The following ZNF514 variants were observed in gnomAD, a reference collection of about 807,000 sequenced individuals.
ZNF514 encodes zinc finger protein 514.
A neutral mutation model predicts 9.7 loss-of-function variants in ZNF514; 12 were observed. That is an observed-to-expected ratio of 1.24 (90% CI 0.79 to 2.01). The LOEUF (loss-of-function observed/expected upper bound fraction) is 2.01. Among genes scored for constraint, ZNF514 ranks in the 30% most tolerant of loss-of-function variants. ZNF514 has a pLI of 0.00. For synonymous variants in ZNF514, 158 were observed against 163.7 expected (o/e 0.97, Z 0.27); for missense variants, 467 against 465.5 (o/e 1.00, Z -0.03).
the ZNF514 span, among the ~76,000 whole-genome samples, chr2:95,124,106 T>C: frequency 6.6e-6 from 1 of 152,208 alleles, no homozygotes; most frequent in East Asian, 1.9e-4. Context: ...GTGTCACATG[T>C]AGATTTCTGT....
intron 3 of ZNF514, 122 bp downstream of exon 3, chr2:95,153,011 T>A: frequency 7.6e-7 from 1 of 1,322,064 alleles, no homozygotes. Flanking sequence ...AAATGTCTGA[T>A]TCCAGACTTC....
the ZNF514 span, among the ~76,000 whole-genome samples, chr2:95,130,536 C>A: frequency 1.3e-5 from 2 of 152,020 alleles, no homozygotes; most frequent in Non-Finnish European, 2.9e-5. Flanking sequence ...AGGTATGCCC[C>A]GGGGGGGCCG....
Position 95,147,066 on chromosome 2 carries a change from A to C in ZNF514, c.*2216T>G, listed in dbSNP as rs1673378797. On this transcript the variant is annotated 3_prime_UTR_variant, in exon 5 of 5. Transcript: ENST00000295208. Reference sequence around the variant, plus strand: ...TCCTCATCTGGACTTTAAATGCTTAAAGTATTTTCCTCAGTATAAGCTAAT... The same window carrying C: ...TCCTCATCTGGACTTTAAATGCTTACAGTATTTTCCTCAGTATAAGCTAAT... Among the ~76,000 whole-genome samples, 1 of 152,130 alleles carries C rather than the reference A, an allele frequency of 6.6e-6. No homozygotes were observed. Among genetic ancestry groups the C allele is most frequent in the African/African-American group, 2.4e-5 (1 of 41,424 alleles).
At chr2:95,150,335 C>A (rs2104466788) in intron 4 of ZNF514, 68 bp from the exon 5 acceptor site, 1 of 1,450,682 alleles carries the variant, frequency 6.9e-7, no homozygotes, top group Non-Finnish European at 9.1e-7. Context: ...GCAAGAAAAG[C>A]AAGCTCCTAT....
the ZNF514 span, among the ~76,000 whole-genome samples, chr2:95,123,462 T>C: frequency 1.3e-5 from 2 of 152,242 alleles, no homozygotes; most frequent in Admixed American, 1.3e-4. Context: ...AGGATTTCCC[T>C]TCACCGCCGT....
At chr2:95,153,362 T>C (rs1673597188) in intron 2 of ZNF514, 103 bp from the exon 3 acceptor site, 2 of 1,211,632 alleles carry the variant, frequency 1.7e-6, no homozygotes, top group Non-Finnish European at 2.2e-6. Flanking sequence ...TACAGAGACA[T>C]TCTTCTCAGG....
the ZNF514 span, among the ~76,000 whole-genome samples, chr2:95,124,214 C>G: frequency 1.3e-5 from 2 of 152,196 alleles, no homozygotes; most frequent in African/African-American, 4.8e-5. Context: ...ATCCTCTCCT[C>G]CACCATCTTT....
chr2:95,149,698 T>C lies in ZNF514; in HGVS notation c.787A>G (p.Ser263Gly), dbSNP rs866001744. The C allele has an allele frequency of 1.2e-6, 2 of 1,614,150 alleles. No homozygotes were observed. The highest frequency in any genetic ancestry group is 1.7e-6 in the Non-Finnish European group (2 of 1,180,022). Residue 263 changes from serine to glycine, a missense_variant, in exon 5 of 5, where the codon AGT becomes GGT. Coordinates refer to ENST00000295208, the MANE Select transcript of ZNF514 (RefSeq NM_032788.3). Reference protein sequence around the residue: ...THTGEKPYECSECGRAFSQSS... With the variant: ...THTGEKPYECGECGRAFSQSS... ...TGGCTGAAGGCTCTCCCACATTCACTGCATTCATAGGGCTTTTCTCCAGTA... is the reference window on the plus strand; with the variant it reads ...TGGCTGAAGGCTCTCCCACATTCACCGCATTCATAGGGCTTTTCTCCAGTA...
chr2:95,155,233 A>T (rs1259515724), intron 2 of ZNF514: 1 of 152,252 alleles, frequency 6.6e-6, no homozygotes, highest in African/African-American at 2.4e-5. Context: ...AGGAGGTATC[A>T]AAACGAAGGA....
intron 4 of ZNF514, 53 bp downstream of exon 4, chr2:95,152,621 C>G: frequency 6.7e-7 from 1 of 1,499,180 alleles, no homozygotes; most frequent in Non-Finnish European, 9.3e-7. Flanking sequence ...TCTGGGCTAC[C>G]TCCCACCCCA....
the ZNF514 span, among the ~76,000 whole-genome samples, chr2:95,138,966 A>G: frequency 6.6e-6 from 1 of 152,206 alleles, no homozygotes; most frequent in Non-Finnish European, 1.5e-5. Flanking sequence ...AGTGCTGCCT[A>G]TATCTGCTGC....
chr2:95,157,206 A>T (rs1192212541), intron 2 of ZNF514, 145 bp downstream of exon 2: 22 of 418,576 alleles, frequency 5.3e-5, no homozygotes, highest in African/African-American at 1.0e-4. Flanking sequence ...TCAGGGAGCC[A>T]TCATTCACTT....
intron 1 of ZNF514, among the ~76,000 whole-genome samples, 189 bp from the exon 2 acceptor site, chr2:95,157,628 G>A (rs1374473917): frequency 6.6e-6 from 1 of 152,176 alleles, no homozygotes; most frequent in African/African-American, 2.4e-5. Flanking sequence ...CCTGTACACA[G>A]CTGCATGAGG....
the ZNF514 span, among the ~76,000 whole-genome samples, chr2:95,124,430 G>A: frequency 6.6e-6 from 1 of 151,982 alleles, no homozygotes; most frequent in Admixed American, 6.6e-5. Context: ...ACTAACATTT[G>A]TTTAACCATT....
the ZNF514 span, among the ~76,000 whole-genome samples, chr2:95,132,411 C>G: frequency 1.3e-5 from 2 of 152,002 alleles, no homozygotes; most frequent in African/African-American, 4.8e-5. Flanking sequence ...CAAATCAAAC[C>G]CACAATGATA....
chr2:95,135,875 TC>T, the ZNF514 span, among the ~76,000 whole-genome samples: 1 of 151,816 alleles, frequency 6.6e-6, no homozygotes, highest in African/African-American at 2.4e-5. Context: ...ATCGAGACCA[TC>T]CTGGCCAACA....
chr2:95,155,482 T>G (rs1346248284), intron 2 of ZNF514: 1 of 152,220 alleles, frequency 6.6e-6, no homozygotes, highest in Non-Finnish European at 1.5e-5. Flanking sequence ...CATTGTATAT[T>G]GGATATATGG....
intron 1 of ZNF514, 60 bp from the exon 2 acceptor site, chr2:95,157,499 A>G: frequency 4.9e-6 from 5 of 1,017,756 alleles, no homozygotes; most frequent in Non-Finnish European, 6.7e-6. Context: ...CAGCTCTCAG[A>G]CTTCCCAAGC....
chr2:95,147,527 G>C lies in ZNF514; in HGVS notation c.*1755C>G, dbSNP rs1222986571. 2.6e-5 allele frequency: 4 copies of C among 151,984 alleles called. No individual in the cohort carries two copies. The highest frequency in any genetic ancestry group is 3.2e-3 in the Middle Eastern group (1 of 316). 9.4% of individuals were successfully genotyped at this position (151,984 alleles called of 1,614,324 possible). A position where few individuals can be genotyped will look rare whatever the true frequency, so the allele number is the denominator to read the frequency against. ...TTGTTTCTGAAGATCTGCCATTTCTGGACATTTCCTAAAATGGTACTAGAA... is the reference window on the plus strand; with the variant it reads ...TTGTTTCTGAAGATCTGCCATTTCTCGACATTTCCTAAAATGGTACTAGAA... On this transcript the variant is annotated 3_prime_UTR_variant, in exon 5 of 5. Coordinates refer to ENST00000295208, the MANE Select transcript of ZNF514 (RefSeq NM_032788.3).
Sources: gnomAD v4.1 joint callset for allele counts (sites outside exome capture counted in the v4.1 genomes callset) on GRCh38, gnomAD v4.1.1 for gene constraint, MANE v1.5 for transcripts, NCBI Gene and HGNC (gene_info 2026-07-23, HGNC 2026-07-21) for gene names.